Variants in RGS6 observed in about 807,000 individuals in gnomAD.
The protein encoded by RGS6 is regulator of G-protein signaling 6.
A neutral mutation model predicts 78.5 loss-of-function variants in RGS6; 30 were observed. That is an observed-to-expected ratio of 0.38 (90% confidence interval 0.29 to 0.52). RGS6 has a LOEUF of 0.52. Ranked by LOEUF, RGS6 falls within the 20% of genes least tolerant of loss-of-function variation. The pLI, the probability that RGS6 is intolerant of heterozygous loss-of-function variation, is 0.85. For synonymous variants in RGS6, 206 were observed against 206.0 expected, an observed-to-expected ratio of 1.00 and a Z score of 0.00; for missense variants, 495 against 609.7, an observed-to-expected ratio of 0.81 and a Z score of 1.98.
chr14:72,307,517 A>G (rs1246585560), intron 2 of RGS6, among the ~76,000 whole-genome samples: 1 of 152,174 alleles, frequency 6.6e-6, no homozygotes, highest in Non-Finnish European at 1.5e-5. Context: ...TGATTATTTG[A>G]CAATAATTCT....
chr14:71,994,264 A>C (rs375805484), intron 2 of RGS6, among the ~76,000 whole-genome samples: 7 of 152,086 alleles, frequency 4.6e-5, no homozygotes, highest in African/African-American at 1.7e-4. Flanking sequence ...AAGGTTAAGT[A>C]GTACCTAACG....
intron 2 of RGS6, among the ~76,000 whole-genome samples, chr14:72,036,159 CA>C (rs1378161182): frequency 1.3e-5 from 2 of 151,660 alleles, no homozygotes; most frequent in African/African-American, 4.8e-5. Flanking sequence ...TTTCACTCTG[CA>C]TAATGCCTCG....
At chr14:72,382,631 G>A (rs1380239282) in intron 3 of RGS6, among the ~76,000 whole-genome samples, 1 of 152,168 alleles carries the variant, frequency 6.6e-6, no homozygotes, top group African/African-American at 2.4e-5. Context: ...GCAAGTGATT[G>A]AAGACACTCA....
At chr14:72,032,596 A>G (rs1042023073) in intron 2 of RGS6, among the ~76,000 whole-genome samples, 1 of 152,138 alleles carries the variant, frequency 6.6e-6, no homozygotes, top group African/African-American at 2.4e-5. Context: ...TAACCATTGA[A>G]CAGTAACTTG....
chr14:72,052,983 T>TTCTTTCTTTCTC (rs1447550101), intron 2 of RGS6, among the ~76,000 whole-genome samples: 11 of 85,580 alleles, frequency 1.3e-4, no homozygotes, highest in Non-Finnish European at 1.9e-4. Context: ...CTTTCTTTCT[T>TTCTTTCTTTCTC]TCTCTCTCTC....
At chr14:72,008,468 T>C (rs2085010728) in intron 2 of RGS6, among the ~76,000 whole-genome samples, 1 of 152,176 alleles carries the variant, frequency 6.6e-6, no homozygotes, top group Non-Finnish European at 1.5e-5. Flanking sequence ...CTCCCTTTGA[T>C]CTCTGACTCC....
intron 2 of RGS6, among the ~76,000 whole-genome samples, chr14:71,991,334 C>T (rs1219411975): frequency 6.6e-6 from 1 of 152,146 alleles, no homozygotes; most frequent in Non-Finnish European, 1.5e-5. Context: ...TGTTTTCTTC[C>T]TTCCCTCTCT....
At chr14:71,990,508 G>A (rs1399532235) in intron 2 of RGS6, 1 of 431,972 alleles carries the variant, frequency 2.3e-6, no homozygotes, top group South Asian at 1.7e-5. Context: ...CAGCTGCACA[G>A]GGATGTACTG....
chr14:72,492,240 A>G (rs1188513886), intron 12 of RGS6, among the ~76,000 whole-genome samples: 1 of 152,218 alleles, frequency 6.6e-6, no homozygotes, highest in Non-Finnish European at 1.5e-5. Context: ...TCAAAGACCC[A>G]GGGAAAACTG....
the RGS6 span, among the ~76,000 whole-genome samples, chr14:72,575,522 C>T: frequency 6.6e-6 from 1 of 152,120 alleles, no homozygotes; most frequent in Admixed American, 6.5e-5. Context: ...AGCCTGAAGG[C>T]AGCAAGGACA....
intron 2 of RGS6, among the ~76,000 whole-genome samples, chr14:72,134,083 C>T (rs1374368243): frequency 1.3e-5 from 2 of 152,224 alleles, no homozygotes; most frequent in Non-Finnish European, 2.9e-5. Flanking sequence ...AGCTAGTCTT[C>T]TCTTGCCTAG....
At chr14:72,032,441 A>T (rs1436990285) in intron 2 of RGS6, among the ~76,000 whole-genome samples, 30 of 152,152 alleles carry the variant, frequency 2.0e-4, no homozygotes, top group Admixed American at 2.0e-3. Flanking sequence ...GGTATTTTTC[A>T]TACATTTGGT....
chr14:72,129,101 G>A (rs1488502596), intron 2 of RGS6, among the ~76,000 whole-genome samples: 1 of 152,160 alleles, frequency 6.6e-6, no homozygotes, highest in African/African-American at 2.4e-5. Flanking sequence ...TTTAGAGTTG[G>A]AGAAATTAAA....
intron 2 of RGS6, among the ~76,000 whole-genome samples, chr14:72,272,187 C>T (rs1447599927): frequency 6.6e-6 from 1 of 152,094 alleles, no homozygotes; most frequent in Non-Finnish European, 1.5e-5. Flanking sequence ...TTTGATAAAT[C>T]AGATAAGTAC....
In RGS6 at chr14:71,973,044, G is replaced by A. The variant is rs28628621; in HGVS notation, c.84+8169G>A. On this transcript the variant is annotated intron_variant, in intron 2 of 17. Transcript: ENST00000553525. ...ACCAGGATATCTGGGTATTTGTTCT[G>A]GCTGCCCCACTCCACTAGCTCATTT... Among the ~76,000 whole-genome samples the A allele has an allele frequency of 5.0e-3, 764 of 152,246 alleles. 6 individuals are homozygous for A. The highest frequency in any genetic ancestry group is 0.017 in the African/African-American group (719 of 41,536).
chr14:72,203,073 C>G (rs1239692414), intron 2 of RGS6, among the ~76,000 whole-genome samples: 1 of 152,050 alleles, frequency 6.6e-6, no homozygotes, highest in Non-Finnish European at 1.5e-5. Context: ...GACAGGGTTT[C>G]ACCGTGTTAG....
chr14:72,476,938 C>T, intron 11 of RGS6, 98 bp downstream of exon 11: 2 of 1,073,992 alleles, frequency 1.9e-6, no homozygotes, highest in South Asian at 2.9e-5. Context: ...GCTTTGAGTT[C>T]CTGGAAACCA....
At chr14:72,085,360 C>G (rs1390036535) in intron 2 of RGS6, among the ~76,000 whole-genome samples, 1 of 152,104 alleles carries the variant, frequency 6.6e-6, no homozygotes, top group African/African-American at 2.4e-5. Context: ...CTCAGTGTCC[C>G]TCAGTATTAA....
intron 14 of RGS6, chr14:72,517,009 A>G (rs2096955274): frequency 6.6e-6 from 1 of 152,150 alleles, no homozygotes; most frequent in Non-Finnish European, 1.5e-5. Flanking sequence ...ACACACACAC[A>G]CAGTCGTCTT....
Sources: allele counts gnomAD v4.1 joint callset (sites outside exome capture counted in the v4.1 genomes callset), GRCh38; gene constraint gnomAD v4.1.1; transcripts MANE v1.5; gene names NCBI Gene and HGNC (gene_info 2026-07-23, HGNC 2026-07-21).